The following HYPK variants were observed in gnomAD, a reference collection of about 807,000 sequenced individuals.
HYPK encodes huntingtin interacting protein K.
A neutral mutation model predicts 13.9 loss-of-function variants in HYPK; 9 were observed. That is an observed-to-expected ratio of 0.65 (90% CI 0.39 to 1.13). The LOEUF (loss-of-function observed/expected upper bound fraction) is 1.13. Among genes scored for constraint, HYPK ranks in the 50% most tolerant of loss-of-function variants. The pLI, the probability that HYPK is intolerant of heterozygous loss-of-function variation, is 0.01. For missense variants in HYPK, 138 were observed against 157.6 expected (o/e 0.88, Z 0.67); for synonymous variants, 76 against 57.0 (o/e 1.33, Z -1.50).
In HYPK at chr15:43,802,569, CA is replaced by C. The variant is rs34069133; in HGVS notation, c.*785del. 0.022 allele frequency: 651 copies of C among 28,952 alleles called. 3 individuals are homozygous for C. The highest frequency in any genetic ancestry group is 0.17 in the East Asian group (145 of 874). The allele number at this position is 28,952 out of a possible 1,614,324, so 1.8% of individuals were successfully genotyped here. ...TGGGGGAAAGAGTGAAACTCCATCT[CA>C]AAAAAAAAAAAAAAAAAAAAAGCCC... On this transcript the variant is annotated 3_prime_UTR_variant, in exon 4 of 4. Coordinates refer to ENST00000442995, the MANE Select transcript of HYPK (RefSeq NM_016400.4).
chr15:43,801,339 A>C (rs2087312837), intron 2 of HYPK, 152 bp downstream of exon 2: 1 of 855,696 alleles, frequency 1.2e-6, no homozygotes, highest in South Asian at 1.6e-5. Flanking sequence ...TGTTAGCAGA[A>C]GGCCTCCTGG....
intron 3 of HYPK, 56 bp downstream of exon 3, chr15:43,801,625 G>T: frequency 1.2e-6 from 2 of 1,605,638 alleles, no homozygotes; most frequent in Non-Finnish European, 1.7e-6. Context: ...TGCTTAATTT[G>T]GGTTGTTTCC....
At position 43,800,803 on chromosome 15, in the gene HYPK, A is replaced by G. The variant is rs2087302519; in HGVS notation, c.162+19A>G. On this transcript the variant is annotated intron_variant, in intron 1 of 3. Coordinates refer to ENST00000442995, the MANE Select transcript of HYPK (RefSeq NM_016400.4). ...GGAGACGGTAAGGTTGGCCAAGAGC[A>G]TGTCGGGGCGGGCTGAGAGCAGAGG... 1 of 1,592,826 alleles carries G rather than the reference A, an allele frequency of 6.3e-7. No homozygotes were observed. Among genetic ancestry groups the G allele is most frequent in the Non-Finnish European group, 8.6e-7 (1 of 1,167,432 alleles).
At chr15:43,800,575 G>A, upstream of HYPK, 1 of 1,612,216 alleles carries the variant, frequency 6.2e-7, no homozygotes, top group Non-Finnish European at 8.5e-7. Context: ...GTCAGTTGCC[G>A]GAAGTCGGCG....
At chr15:43,801,388 A>T in intron 2 of HYPK, 130 bp from the exon 3 acceptor site, 1 of 887,878 alleles carries the variant, frequency 1.1e-6, no homozygotes, top group Non-Finnish European at 1.8e-6. Flanking sequence ...AAGGAGTATT[A>T]GTGGGAGTTT....
upstream of HYPK, chr15:43,800,517 A>G (rs781451877): frequency 1.6e-5 from 22 of 1,417,742 alleles, no homozygotes; most frequent in South Asian, 2.4e-4. Context: ...GAGCAGAAAG[A>G]AGGTGTGGCC....
chr15:43,800,856 A>G (rs2087304237), intron 1 of HYPK, 72 bp downstream of exon 1: 1 of 1,396,702 alleles, frequency 7.2e-7, no homozygotes, highest in Non-Finnish European at 9.7e-7. Context: ...GCTGGAAGCC[A>G]GCGCTCCAAG....
In HYPK at chr15:43,804,160, A is replaced by G. The variant is rs1195525425; in HGVS notation, c.*2354A>G. ...CTGCTGTAAGGACACTCAAATGGCA[A>G]TTACAGACATTTCTCCAAGAGTTTC... On this transcript the variant is annotated 3_prime_UTR_variant, in exon 4 of 4. Transcript: ENST00000442995. 1.3e-5 allele frequency among the ~76,000 whole-genome samples: 2 copies of G among 152,110 alleles called. No homozygotes were observed. The highest frequency in any genetic ancestry group is 6.6e-5 in the Admixed American group (1 of 15,264).
chr15:43,804,348 AT>A lies in HYPK; in HGVS notation c.*2545del, dbSNP rs1364303431. The A allele has an allele frequency of 6.6e-6, 1 of 152,138 alleles. No homozygotes were observed. Among genetic ancestry groups the A allele is most frequent in the Non-Finnish European group, 1.5e-5 (1 of 68,010 alleles). 9.4% of individuals were successfully genotyped at this position (152,138 alleles called of 1,614,324 possible). A position where few individuals can be genotyped will look rare whatever the true frequency, so the allele number is the denominator to read the frequency against. On this transcript the variant is annotated 3_prime_UTR_variant, in exon 4 of 4. Transcript: ENST00000442995. Reference sequence around the variant, plus strand: ...AACTATTTGATTCTTCCAGTGGGACATTTAAAGGATGTGAGAAGACCTTGGT... The same window carrying A: ...AACTATTTGATTCTTCCAGTGGGACATTAAAGGATGTGAGAAGACCTTGGT...
Position 43,801,911 on chromosome 15 carries a change from T to G in HYPK, c.*105T>G. On this transcript the variant is annotated 3_prime_UTR_variant, in exon 4 of 4. Transcript: ENST00000442995. ...TGGGTCAAGTAGAGTGTATACTATA[T>G]CCTATGTTGTGGAGAATTTATATGT... 1.2e-6 allele frequency: 1 copy of G among 841,624 alleles called. No homozygotes were observed. Among genetic ancestry groups the G allele is most frequent in the Non-Finnish European group, 1.9e-6 (1 of 520,478 alleles). 52.1% of individuals were successfully genotyped at this position (841,624 alleles called of 1,614,324 possible).
Position 43,800,698 on chromosome 15 carries a change from C to A in HYPK, c.76C>A (p.Arg26=), listed in dbSNP as rs1271198735. The A allele has an allele frequency of 1.9e-6, 3 of 1,614,020 alleles. No individual in the cohort carries two copies. The highest frequency in any genetic ancestry group is 1.7e-6 in the Non-Finnish European group (2 of 1,180,008). ...SGPERPPEKP[R]KHDSGAADLE... is the part of the protein sequence containing the mutation. Reference sequence around the variant, plus strand: ...ACCAGAGCGGCCTCCGGAGAAGCCACGGAAACATGACAGCGGTGCGGCGGA... The same window carrying A: ...ACCAGAGCGGCCTCCGGAGAAGCCAAGGAAACATGACAGCGGTGCGGCGGA... Residue 26 remains arginine (R), a synonymous_variant, in exon 1 of 4, where the codon CGG becomes AGG. Coordinates refer to ENST00000442995, the MANE Select transcript of HYPK (RefSeq NM_016400.4).
At chr15:43,800,482 T>C (rs375869821), upstream of HYPK, 16 of 1,171,476 alleles carry the variant, frequency 1.4e-5, no homozygotes, top group East Asian at 7.6e-5. Context: ...ACGAACCGCC[T>C]TCCTCCCTGA....
Position 43,801,783 on chromosome 15 carries a change from G to A in HYPK, c.343G>A (p.Ala115Thr). ...LREHMGNVVE[A>T]LIALTN is the part of the protein sequence containing the mutation. ...GGAACACATGGGCAACGTGGTAGAG[G>A]CGCTTATTGCCCTAACCAACTGATG... Residue 115 changes from alanine to threonine, a missense_variant, in exon 4 of 4, where the codon GCG becomes ACG. Transcript: ENST00000442995. The A allele has an allele frequency of 6.2e-7, 1 of 1,614,190 alleles. No homozygotes were observed. The highest frequency in any genetic ancestry group is 1.3e-5 in the African/African-American group (1 of 75,056).
At position 43,801,087 on chromosome 15, in the gene HYPK, G is replaced by T. The variant is rs369020688; in HGVS notation, c.163-45G>T. The T allele has an allele frequency of 3.9e-6, 6 of 1,530,892 alleles. No individual in the cohort carries two copies. In the African/African-American group the frequency reaches 5.5e-5, roughly 14 times the overall value. 94.8% of individuals were successfully genotyped at this position (1,530,892 alleles called of 1,614,324 possible). A position where few individuals can be genotyped will look rare whatever the true frequency, so the allele number is the denominator to read the frequency against. On this transcript the variant is annotated intron_variant, in intron 1 of 3. Transcript: ENST00000442995. Reference sequence around the variant, plus strand: ...TTTTGTTGGCCTTTTAGATTATTGGGAATTGTGGGTAGCGGTGCAGTAACT... The same window carrying T: ...TTTTGTTGGCCTTTTAGATTATTGGTAATTGTGGGTAGCGGTGCAGTAACT...
At position 43,800,630 on chromosome 15, in the gene HYPK, C is replaced by A. The variant is rs764480404; in HGVS notation, c.8C>A (p.Thr3Asn). Residue 3 changes from threonine to asparagine, a missense_variant, in exon 1 of 4, where the codon ACC (threonine) becomes AAC (asparagine). By Grantham distance (65) the Thr-to-Asn change is moderately conservative. Coordinates refer to ENST00000442995, the MANE Select transcript of HYPK (RefSeq NM_016400.4). ...CGGCGTGGTGAAATAGATATGGCGA[C>A]CGAGGGGGATGTGGAGCTGGAGTTG... MA[T>N]EGDVELELET... 2.0e-5 allele frequency: 32 copies of A among 1,613,880 alleles called. No homozygotes were observed. In the East Asian group the frequency reaches 6.9e-4, roughly 35 times the overall value.
rs1207223089 is a variant in HYPK at position 43,802,929 on chromosome 15, CTGTAA to C, written c.*1125_*1129del. The stretch of plus-strand genomic sequence containing the variant: ...AGGGGCCAGGCATGGTGGCTCATGC[CTGTAA>C]TCCCAACACCTTGGGAAGCTGAGGC... On this transcript the variant is annotated 3_prime_UTR_variant, in exon 4 of 4. Coordinates refer to ENST00000442995, the MANE Select transcript of HYPK (RefSeq NM_016400.4). 1 of 152,106 alleles carries C rather than the reference CTGTAA, an allele frequency of 6.6e-6. No individual in the cohort carries two copies. Among genetic ancestry groups the C allele is most frequent in the Non-Finnish European group, 1.5e-5 (1 of 68,142 alleles). The allele number at this position is 152,106 out of a possible 1,614,324, so 9.4% of individuals were successfully genotyped here. A position where few individuals can be genotyped will look rare whatever the true frequency, so the allele number is the denominator to read the frequency against.
rs766406563 is a variant in HYPK at position 43,800,615 on chromosome 15, A to AAAT, written c.-6_-4dup. The AAAT allele has an allele frequency of 6.2e-7, 1 of 1,614,130 alleles. No homozygotes were observed. Among genetic ancestry groups the AAAT allele is most frequent in the Non-Finnish European group, 8.5e-7 (1 of 1,180,026 alleles). Reference sequence around the variant, plus strand: ...GTGGGGCTTATGCGGCGGCGTGGTGAAATAGATATGGCGACCGAGGGGGAT... The same window carrying AAAT: ...GTGGGGCTTATGCGGCGGCGTGGTGAAATAATAGATATGGCGACCGAGGGGGAT... On this transcript the variant is annotated 5_prime_UTR_variant, in exon 1 of 4. Transcript: ENST00000442995.
Position 43,801,759 on chromosome 15 carries a change from GA to G in HYPK, c.321del (p.Glu107AspfsTer7). 1.2e-6 allele frequency: 2 copies of G among 1,614,230 alleles called. No individual in the cohort carries two copies. Among genetic ancestry groups the G allele is most frequent in the Non-Finnish European group, 8.5e-7 (1 of 1,180,048 alleles). ...SRAAAERSLR[E>X]HMGNVVEALI... ...AGCAGCAGCAGAACGCAGTTTGCGG[GA>G]ACACATGGGCAACGTGGTAGAGGCG... On this transcript the variant is annotated frameshift_variant, in exon 4 of 4. Coordinates refer to ENST00000442995, the MANE Select transcript of HYPK (RefSeq NM_016400.4). LOFTEE classifies it high-confidence loss of function.
rs754159451 is a variant in HYPK at position 43,800,631 on chromosome 15, C to G, written c.9C>G (p.Thr3=). 6.2e-7 allele frequency: 1 copy of G among 1,613,956 alleles called. No individual in the cohort carries two copies. The highest frequency in any genetic ancestry group is 2.2e-5 in the East Asian group (1 of 44,874). Residue 3 remains threonine (T), a synonymous_variant, in exon 1 of 4, where the codon ACC becomes ACG. Coordinates refer to ENST00000442995, the MANE Select transcript of HYPK (RefSeq NM_016400.4). MA[T]EGDVELELET... ...GGCGTGGTGAAATAGATATGGCGACCGAGGGGGATGTGGAGCTGGAGTTGG... is the reference window on the plus strand; with the variant it reads ...GGCGTGGTGAAATAGATATGGCGACGGAGGGGGATGTGGAGCTGGAGTTGG...
Sources: allele counts gnomAD v4.1 joint callset (sites outside exome capture counted in the v4.1 genomes callset), GRCh38; gene constraint gnomAD v4.1.1; transcripts MANE v1.5; gene names NCBI Gene and HGNC (gene_info 2026-07-23, HGNC 2026-07-21).